Variants in CEP44 observed in about 807,000 individuals in gnomAD.
CEP44 encodes centrosomal protein of 44 kDa.
In CEP44, 45 loss-of-function variants were observed where a neutral mutation model predicts 46.7. The observed-to-expected ratio is 0.96, with a 90% CI of 0.76 to 1.24. The LOEUF (loss-of-function observed/expected upper bound fraction) is 1.24. Among genes scored for constraint, CEP44 ranks in the 50% most tolerant of loss-of-function variants. The pLI, the probability that CEP44 is intolerant of heterozygous loss-of-function variation, is 0.00. For missense variants in CEP44, 475 were observed against 459.7 expected, an observed-to-expected ratio of 1.03 and a Z score of -0.30; for synonymous variants, 142 against 146.0, an observed-to-expected ratio of 0.97 and a Z score of 0.20.
rs996930003 is a variant in CEP44, at chr4:174,309,283, A to G, written c.678+424A>G. Among the ~76,000 whole-genome samples, 1 of 151,838 alleles carries G rather than the reference A, an allele frequency of 6.6e-6. No homozygotes were observed. Among genetic ancestry groups the G allele is most frequent in the African/African-American group, 2.4e-5 (1 of 41,336 alleles). ...CTGTCTCTCTTAAAAAACCATTTCT[A>G]TTACTCTTAATTGCCACAGACCCCA... On this transcript the variant is annotated intron_variant, in intron 7 of 11. Coordinates refer to ENST00000503780, the MANE Select transcript of CEP44 (RefSeq NM_001040157.3). This position sits in a 1 kb window ranked among gnomAD's most constrained non-coding sequence, Gnocchi z 5.3.
At chr4:174,328,854 A>G (rs185473362) in intron 8 of CEP44, among the ~76,000 whole-genome samples, 1 of 152,338 alleles carries the variant, frequency 6.6e-6, no homozygotes, top group Non-Finnish European at 1.5e-5. Context: ...ATAAATTAAA[A>G]TAGGTTTCTA....
intron 4 of CEP44, among the ~76,000 whole-genome samples, chr4:174,302,940 C>A (rs932614342): frequency 6.6e-6 from 1 of 151,962 alleles, no homozygotes; most frequent in Non-Finnish European, 1.5e-5. Flanking sequence ...ACCGTGACCA[C>A]GCCTGGCTAA....
Position 174,329,743 on chromosome 4 carries a change from A to G in CEP44, c.1087-1739A>G, listed in dbSNP as rs1433766824. 6.6e-6 allele frequency among the ~76,000 whole-genome samples: 1 copy of G among 152,160 alleles called. No homozygotes were observed. Among genetic ancestry groups the G allele is most frequent in the Non-Finnish European group, 1.5e-5 (1 of 68,014 alleles). The stretch of plus-strand genomic sequence containing the variant: ...CTCTAATTTAGTTAAAAAAATATTA[A>G]TGAATATATGTTAACCTTCAGGCTA... On this transcript the variant is annotated intron_variant, in intron 8 of 8. Transcript: ENST00000426172. The surrounding 1 kb of genome is among the most constrained non-coding windows in gnomAD (Gnocchi z 4.0).
downstream of CEP44, among the ~76,000 whole-genome samples, chr4:174,321,438 C>T (rs181881379): frequency 1.3e-3 from 202 of 152,142 alleles, no homozygotes; most frequent in Non-Finnish European, 1.1e-3. Flanking sequence ...GGAATTAAAA[C>T]ATCCTTTCTT....
At position 174,318,144 on chromosome 4, in the gene CEP44, A is replaced by G. The variant is rs1741946891; in HGVS notation, c.*761A>G. The G allele has an allele frequency of 1.2e-6, 1 of 837,114 alleles. No individual in the cohort carries two copies. The highest frequency in any genetic ancestry group is 1.4e-6 in the Non-Finnish European group (1 of 694,842). The allele number at this position is 837,114 out of a possible 1,614,324, so 51.9% of individuals were successfully genotyped here. ...AATAGCACGATCTTGGCTCACCGCA[A>G]CCTCTGCCTACCGGGTTCAAGTGAT... On this transcript the variant is annotated 3_prime_UTR_variant, in exon 12 of 12. Transcript: ENST00000503780.
rs904714447 is a variant in CEP44, at chr4:174,310,975, A to G, written c.961+117A>G. The G allele has an allele frequency of 1.8e-5, 10 of 542,438 alleles. No individual in the cohort carries two copies. The African/African-American group carries it at 2.0e-4, about 11-fold the overall frequency. 33.6% of individuals were successfully genotyped at this position (542,438 alleles called of 1,614,324 possible). ...AGAAATTGCAAAGCTCCTAGAACAA[A>G]GAACATAATGAACCTACAGACTACT... is the stretch of plus-strand genomic sequence containing the variant. On this transcript the variant is annotated intron_variant, in intron 9 of 11. Coordinates refer to ENST00000503780, the MANE Select transcript of CEP44 (RefSeq NM_001040157.3). The surrounding 1 kb of genome is among the most constrained non-coding windows in gnomAD (Gnocchi z 4.2).
At chr4:174,327,376 C>T (rs1301936832) in intron 8 of CEP44, among the ~76,000 whole-genome samples, 2 of 151,700 alleles carry the variant, frequency 1.3e-5, no homozygotes, top group Non-Finnish European at 2.9e-5. Flanking sequence ...CAGATTAATT[C>T]TTACCCAGAT....
At chr4:174,325,115 A>G (rs1742580642), downstream of CEP44, among the ~76,000 whole-genome samples, 1 of 152,132 alleles carries the variant, frequency 6.6e-6, no homozygotes, top group African/African-American at 2.4e-5. The surrounding 1 kb of genome is among the most constrained non-coding windows in gnomAD (Gnocchi z 4.4). Flanking sequence ...TTTGTCCAAA[A>G]TGTTGAGCAT....
rs550439242 is a variant in CEP44, at chr4:174,295,109, C to T, written c.-147-2857C>T. 6.6e-5 allele frequency among the ~76,000 whole-genome samples: 10 copies of T among 151,210 alleles called. No individual in the cohort carries two copies. The South Asian group carries it at 1.3e-3, about 19-fold the overall frequency. On this transcript the variant is annotated intron_variant, in intron 1 of 11. Transcript: ENST00000503780. ...CCCCCCACCTCCCTCCCGGACGGGG[C>T]GGCTGGCCTGGCGGGGGCTGACCCT...
intron 6 of CEP44, among the ~76,000 whole-genome samples, chr4:174,305,200 TC>T (rs1740241073): frequency 1.3e-5 from 2 of 152,166 alleles, no homozygotes; most frequent in Non-Finnish European, 2.9e-5. Context: ...ATGCCTGTAA[TC>T]CCAGCACTTT....
chr4:174,305,744 T>A (rs566861532), intron 6 of CEP44, among the ~76,000 whole-genome samples: 1 of 152,322 alleles, frequency 6.6e-6, no homozygotes, highest in East Asian at 1.9e-4. Flanking sequence ...GATTTTCTTA[T>A]ACTGATTTTT....
intron 10 of CEP44, 82 bp downstream of exon 10, chr4:174,316,372 G>C (rs1741713917): frequency 7.5e-6 from 11 of 1,458,832 alleles, no homozygotes; most frequent in Non-Finnish European, 7.6e-6. Context: ...TTGCTAGCAA[G>C]AAAAATAGCA....
chr4:174,327,082 A>T (rs1359588785), intron 8 of CEP44, among the ~76,000 whole-genome samples: 1 of 150,748 alleles, frequency 6.6e-6, no homozygotes, highest in Non-Finnish European at 1.5e-5. Flanking sequence ...TCTAGATAGG[A>T]GCCATAAGTG....
intron 9 of CEP44, among the ~76,000 whole-genome samples, chr4:174,315,765 C>A (rs1436196968): frequency 6.7e-6 from 1 of 149,576 alleles, no homozygotes; most frequent in Non-Finnish European, 1.5e-5. Flanking sequence ...GGCGTGAACC[C>A]GGGAGGCGGA....
chr4:174,287,330 T>TA lies in CEP44; in HGVS notation c.-148+3388dup, dbSNP rs1399625256. ...CAAGAAGGAAAAGAACTGGGTCTAT[T>TA]AGAGAAAATTAATGAGGGGGATTAA... On this transcript the variant is annotated intron_variant, in intron 1 of 11. Coordinates refer to ENST00000503780, the MANE Select transcript of CEP44 (RefSeq NM_001040157.3). This position sits in a 1 kb window ranked among gnomAD's most constrained non-coding sequence, Gnocchi z 5.1. 6.6e-6 allele frequency among the ~76,000 whole-genome samples: 1 copy of TA among 152,134 alleles called. No homozygotes were observed. The highest frequency in any genetic ancestry group is 1.5e-5 in the Non-Finnish European group (1 of 68,018).
upstream of CEP44, chr4:174,283,774 T>G (rs1002815883): frequency 8.3e-5 from 33 of 397,536 alleles, no homozygotes; most frequent in Non-Finnish European, 1.1e-4. This position sits in a 1 kb window ranked among gnomAD's most constrained non-coding sequence, Gnocchi z 6.7. Context: ...CACGAGCCAC[T>G]CTGACCATCA....
In CEP44 at chr4:174,309,632, T is replaced by C. The variant is rs1579128850; in HGVS notation, c.679-218T>C. 3.3e-5 allele frequency among the ~76,000 whole-genome samples: 5 copies of C among 151,926 alleles called. No individual in the cohort carries two copies. In the East Asian group the frequency reaches 7.8e-4, roughly 24 times the overall value. ...TCATATGAAATAGATACTGCTCTTATCTCTTTTTTTTTAATGAGGAAATGG... is the reference window on the plus strand; with the variant it reads ...TCATATGAAATAGATACTGCTCTTACCTCTTTTTTTTTAATGAGGAAATGG... On this transcript the variant is annotated intron_variant, in intron 7 of 11. Coordinates refer to ENST00000503780, the MANE Select transcript of CEP44 (RefSeq NM_001040157.3). The surrounding 1 kb of genome is among the most constrained non-coding windows in gnomAD (Gnocchi z 5.3).
rs542760143 is a variant in CEP44 at position 174,318,777 on chromosome 4, CT to C, written c.*1398del. ...GAATTTGAAACAGTGTAAGAAATCA[CT>C]TTTAAGAAAACATTTTTAGAATTCC... On this transcript the variant is annotated 3_prime_UTR_variant, in exon 12 of 12. Coordinates refer to ENST00000503780, the MANE Select transcript of CEP44 (RefSeq NM_001040157.3). 895 of 751,172 alleles carry C rather than the reference CT, an allele frequency of 1.2e-3. 2 individuals carry two copies. The highest frequency in any genetic ancestry group is 1.4e-3 in the Non-Finnish European group (851 of 619,234). The allele number at this position is 751,172 out of a possible 1,614,324, so 46.5% of individuals were successfully genotyped here. A position where few individuals can be genotyped will look rare whatever the true frequency, so the allele number is the denominator to read the frequency against.
chr4:174,314,125 G>A lies in CEP44; in HGVS notation c.962-2041G>A, dbSNP rs1741401327. Among the ~76,000 whole-genome samples the A allele has an allele frequency of 6.6e-6, 1 of 152,098 alleles. No homozygotes were observed. Among genetic ancestry groups the A allele is most frequent in the South Asian group, 2.1e-4 (1 of 4,822 alleles). On this transcript the variant is annotated intron_variant, in intron 9 of 11. Coordinates refer to ENST00000503780, the MANE Select transcript of CEP44 (RefSeq NM_001040157.3). The surrounding 1 kb of genome is among the most constrained non-coding windows in gnomAD (Gnocchi z 4.1). ...GTAAGAGTTGGGTAGAAGATTTCAT[G>A]TCCCATACCCCCATAATCTTAGAAG...
Sources: allele counts gnomAD v4.1 joint callset (sites outside exome capture counted in the v4.1 genomes callset), GRCh38; gene constraint gnomAD v4.1.1; non-coding constraint Gnocchi (gnomAD v3.1); transcripts MANE v1.5; gene names NCBI Gene and HGNC (gene_info 2026-07-23, HGNC 2026-07-21).